Variants in PLA2G12A observed in about 807,000 individuals in gnomAD.
PLA2G12A encodes the protein group XIIA secretory phospholipase A2.
Under a neutral mutation model 16.0 loss-of-function variants are expected in PLA2G12A, and 11 were observed. The observed-to-expected ratio is 0.69, with a 90% CI of 0.43 to 1.13. The LOEUF is 1.13. Ranked by LOEUF, PLA2G12A falls within the 50% of genes most tolerant of loss-of-function variation. The pLI is 0.00. For synonymous variants in PLA2G12A, 77 were observed against 93.8 expected, an observed-to-expected ratio of 0.82 and a Z score of 1.03; for missense variants, 214 against 237.3, an observed-to-expected ratio of 0.90 and a Z score of 0.65.
At position 109,729,874 on chromosome 4, in the gene PLA2G12A, C is replaced by T. The variant is rs1723019988; in HGVS notation, c.-65G>A. On this transcript the variant is annotated 5_prime_UTR_variant, in exon 1 of 4. Transcript: ENST00000243501. The stretch of plus-strand genomic sequence containing the variant: ...GCGGGGCGCGTCCCCACAGAGTCCC[C>T]AGGACGCGCTAGGCAGCGGCGCGGG... The T allele has an allele frequency of 7.1e-7, 1 of 1,413,666 alleles. No individual in the cohort carries two copies. The highest frequency in any genetic ancestry group is 2.6e-5 in the East Asian group (1 of 38,538). 87.6% of individuals were successfully genotyped at this position (1,413,666 alleles called of 1,614,324 possible). A position where few individuals can be genotyped will look rare whatever the true frequency, so the allele number is the denominator to read the frequency against.
Position 109,713,520 on chromosome 4 carries a change from A to G in PLA2G12A, c.*857T>C, listed in dbSNP as rs758456542. The stretch of plus-strand genomic sequence containing the variant: ...AGTGCTGGGAAATAAATAACAAAGC[A>G]TAACAGCAAATAGTGCCTTGATATA... On this transcript the variant is annotated 3_prime_UTR_variant, in exon 4 of 4. Coordinates refer to ENST00000243501, the MANE Select transcript of PLA2G12A (RefSeq NM_030821.5). The G allele has an allele frequency of 6.6e-6, 1 of 152,274 alleles. No individual in the cohort carries two copies. The highest frequency in any genetic ancestry group is 1.9e-4 in the East Asian group (1 of 5,200). 9.4% of individuals were successfully genotyped at this position (152,274 alleles called of 1,614,324 possible). A position where few individuals can be genotyped will look rare whatever the true frequency, so the allele number is the denominator to read the frequency against.
chr4:109,729,974 C>T lies in PLA2G12A; in HGVS notation c.-165G>A. The T allele has an allele frequency of 1.7e-6, 1 of 599,734 alleles. No homozygotes were observed. The highest frequency in any genetic ancestry group is 2.7e-6 in the Non-Finnish European group (1 of 363,876). The allele number at this position is 599,734 out of a possible 1,614,324, so 37.2% of individuals were successfully genotyped here. Reference sequence around the variant, plus strand: ...GGCCCTCAGGATCTCGCTGTCTTTACGTGAACCGCCTCGGGCAGGCAGCGC... The same window carrying T: ...GGCCCTCAGGATCTCGCTGTCTTTATGTGAACCGCCTCGGGCAGGCAGCGC... On this transcript the variant is annotated 5_prime_UTR_variant, in exon 1 of 4. Transcript: ENST00000243501.
In PLA2G12A at chr4:109,714,081, C is replaced by T. The variant is rs2126166036; in HGVS notation, c.*296G>A. The stretch of plus-strand genomic sequence containing the variant: ...GTTGTGAAAATTGAGTTATATATTC[C>T]TCTTTTCAAAATTCTCCGCTAAACA... On this transcript the variant is annotated 3_prime_UTR_variant, in exon 4 of 4. Coordinates refer to ENST00000243501, the MANE Select transcript of PLA2G12A (RefSeq NM_030821.5). 2 of 271,328 alleles carry T rather than the reference C, an allele frequency of 7.4e-6. No homozygotes were observed. Among genetic ancestry groups the T allele is most frequent in the South Asian group, 9.8e-5 (1 of 10,234 alleles). 16.8% of individuals were successfully genotyped at this position (271,328 alleles called of 1,614,324 possible).
chr4:109,718,465 T>C (rs1164224331), intron 2 of PLA2G12A, among the ~76,000 whole-genome samples: 3 of 152,222 alleles, frequency 2.0e-5, no homozygotes, highest in Admixed American at 6.5e-5. Flanking sequence ...TTGGGAAATA[T>C]CATTTAAATA....
At chr4:109,715,083 T>C (rs1443332182) in intron 3 of PLA2G12A, among the ~76,000 whole-genome samples, 1 of 152,144 alleles carries the variant, frequency 6.6e-6, no homozygotes, top group Non-Finnish European at 1.5e-5. Context: ...AGTGCTGGGA[T>C]TACAGGCGTG....
chr4:109,713,367 A>G lies in PLA2G12A; in HGVS notation c.*1010T>C, dbSNP rs765296482. 1.3e-5 allele frequency: 2 copies of G among 152,216 alleles called. No homozygotes were observed. Among genetic ancestry groups the G allele is most frequent in the African/African-American group, 2.4e-5 (1 of 41,458 alleles). The allele number at this position is 152,216 out of a possible 1,614,324, so 9.4% of individuals were successfully genotyped here. A position where few individuals can be genotyped will look rare whatever the true frequency, so the allele number is the denominator to read the frequency against. On this transcript the variant is annotated 3_prime_UTR_variant, in exon 4 of 4. Transcript: ENST00000243501. ...AATAAGAGATCTATAAAAGGCATTTATATCTTGCCTTTTCCATCCTTTTGG... is the reference window on the plus strand; with the variant it reads ...AATAAGAGATCTATAAAAGGCATTTGTATCTTGCCTTTTCCATCCTTTTGG...
chr4:109,728,227 T>G (rs1722977658), intron 1 of PLA2G12A, among the ~76,000 whole-genome samples: 1 of 152,220 alleles, frequency 6.6e-6, no homozygotes, highest in Non-Finnish European at 1.5e-5. Flanking sequence ...ACACTTCCCC[T>G]AATTTTACTT....
chr4:109,723,099 A>G lies in PLA2G12A; in HGVS notation c.209-4340T>C, dbSNP rs114041589. On this transcript the variant is annotated intron_variant, in intron 1 of 3. Transcript: ENST00000243501. Reference sequence around the variant, plus strand: ...TTTAAAATACAGCACCTCAGACTGAACACTGTAGGGTAAGATGGGCTTTTT... The same window carrying G: ...TTTAAAATACAGCACCTCAGACTGAGCACTGTAGGGTAAGATGGGCTTTTT... Among the ~76,000 whole-genome samples, 438 of 152,294 alleles carry G rather than the reference A, an allele frequency of 2.9e-3. 1 individual carries two copies. Among genetic ancestry groups the G allele is most frequent in the Non-Finnish European group, 4.4e-3 (302 of 68,020 alleles).
intron 1 of PLA2G12A, among the ~76,000 whole-genome samples, chr4:109,720,586 AAAAAAAAAAAAAAAAAAAATAT>A (rs1477858458): frequency 3.4e-4 from 19 of 56,168 alleles, no homozygotes; most frequent in Non-Finnish European, 4.3e-4. Flanking sequence ...AAAAAAAAAA[AAAAAAAAAAAAAAAAAAAATAT>A]ATATATATAT....
chr4:109,714,837 T>C (rs1267629192), intron 3 of PLA2G12A, among the ~76,000 whole-genome samples: 1 of 151,502 alleles, frequency 6.6e-6, no homozygotes, highest in Non-Finnish European at 1.5e-5. Flanking sequence ...TGGGCTAAAG[T>C]AATCCTTCCA....
chr4:109,710,193 T>A lies in PLA2G12A; in HGVS notation c.*4184A>T, dbSNP rs7692543. On this transcript the variant is annotated 3_prime_UTR_variant, in exon 4 of 4. Coordinates refer to ENST00000243501, the MANE Select transcript of PLA2G12A (RefSeq NM_030821.5). The stretch of plus-strand genomic sequence containing the variant: ...ATATATTGCAAGTAATTTCTATGAA[T>A]TTTGAACAATACAATGTAGTGTATG... 1.9e-3 allele frequency: 293 copies of A among 152,328 alleles called. 1 individual carries two copies. The highest frequency in any genetic ancestry group is 6.3e-3 in the African/African-American group (262 of 41,578). The allele number at this position is 152,328 out of a possible 1,614,324, so 9.4% of individuals were successfully genotyped here.
chr4:109,724,998 T>C (rs6831917), intron 1 of PLA2G12A, among the ~76,000 whole-genome samples: 101,133 of 152,006 alleles, frequency 0.67, 34,191 homozygotes, highest in African/African-American at 0.79. Context: ...ATGTCATTTC[T>C]TCAGAGAGGC....
intron 2 of PLA2G12A, 34 bp downstream of exon 2, chr4:109,718,648 GT>G: frequency 6.8e-7 from 1 of 1,461,312 alleles, no homozygotes; most frequent in African/African-American, 1.4e-5. Context: ...TGATTTACCA[GT>G]TACAAAACTT....
rs201235268 is a variant in PLA2G12A at position 109,718,637 on chromosome 4, A to G, written c.285+46T>C. 167 of 1,390,232 alleles carry G rather than the reference A, an allele frequency of 1.2e-4. No homozygotes were observed. In the African/African-American group the frequency reaches 2.3e-3, roughly 19 times the overall value. The allele number at this position is 1,390,232 out of a possible 1,614,324, so 86.1% of individuals were successfully genotyped here. A position where few individuals can be genotyped will look rare whatever the true frequency, so the allele number is the denominator to read the frequency against. Reference sequence around the variant, plus strand: ...AGTCTTATATCACCAAAAGTATTACATGATTTACCAGTTACAAAACTTATC... The same window carrying G: ...AGTCTTATATCACCAAAAGTATTACGTGATTTACCAGTTACAAAACTTATC... On this transcript the variant is annotated intron_variant, in intron 2 of 3. Coordinates refer to ENST00000243501, the MANE Select transcript of PLA2G12A (RefSeq NM_030821.5).
intron 3 of PLA2G12A, among the ~76,000 whole-genome samples, chr4:109,717,026 T>G (rs1188255298): frequency 6.6e-6 from 1 of 152,224 alleles, no homozygotes; most frequent in Non-Finnish European, 1.5e-5. Context: ...CCCAGAGAGC[T>G]ATCTAGTCCT....
intron 1 of PLA2G12A, 108 bp from the exon 2 acceptor site, chr4:109,718,867 C>T: frequency 4.3e-6 from 3 of 700,174 alleles, no homozygotes; most frequent in South Asian, 4.2e-5. Context: ...GTAATATTTA[C>T]TTGGATGCTA....
intron 3 of PLA2G12A, among the ~76,000 whole-genome samples, chr4:109,717,168 G>C (rs1276229810): frequency 6.6e-6 from 1 of 152,154 alleles, no homozygotes; most frequent in African/African-American, 2.4e-5. Context: ...ATAACTTTCT[G>C]TTGTCTATAA....
At chr4:109,727,658 G>T (rs535037646) in intron 1 of PLA2G12A, among the ~76,000 whole-genome samples, 1 of 152,180 alleles carries the variant, frequency 6.6e-6, no homozygotes, top group African/African-American at 2.4e-5. Flanking sequence ...ATTAAGCCAG[G>T]TGTAGTGGGG....
chr4:109,713,171 G>T lies in PLA2G12A; in HGVS notation c.*1206C>A, dbSNP rs1481127716. On this transcript the variant is annotated 3_prime_UTR_variant, in exon 4 of 4. Transcript: ENST00000243501. Reference sequence around the variant, plus strand: ...GTCACCCAAAGGATATATATGGCTTGAGGTCCCAGGCTAGGGAAAGGTTAA... The same window carrying T: ...GTCACCCAAAGGATATATATGGCTTTAGGTCCCAGGCTAGGGAAAGGTTAA... 1 of 152,176 alleles carries T rather than the reference G, an allele frequency of 6.6e-6. No homozygotes were observed. The highest frequency in any genetic ancestry group is 1.5e-5 in the Non-Finnish European group (1 of 68,036). The allele number at this position is 152,176 out of a possible 1,614,324, so 9.4% of individuals were successfully genotyped here.
Sources: allele counts gnomAD v4.1 joint callset (sites outside exome capture counted in the v4.1 genomes callset), GRCh38; gene constraint gnomAD v4.1.1; transcripts MANE v1.5; gene names NCBI Gene and HGNC (gene_info 2026-07-23, HGNC 2026-07-21).